AGAP6: variants seen among roughly 807,000 people sequenced by gnomAD.
AGAP6 encodes ArfGAP with GTPase domain, ankyrin repeat and PH domain 6.
Under a neutral mutation model 63.9 loss-of-function variants are expected in AGAP6, and 29 were observed. The observed-to-expected ratio is 0.45, with a 90% CI of 0.34 to 0.62. The LOEUF is 0.62. Ranked by LOEUF, AGAP6 falls within the 20% of genes least tolerant of loss-of-function variation. The probability of loss-of-function intolerance (pLI) is 0.01; values close to 1 mark genes in which losing one functional copy is unlikely to be tolerated. For synonymous variants in AGAP6, 199 were observed against 332.9 expected, an observed-to-expected ratio of 0.60 and a Z score of 4.38; for missense variants, 493 against 884.9, an observed-to-expected ratio of 0.56 and a Z score of 5.62.
Position 49,997,415 on chromosome 10 carries a change from T to C in AGAP6, c.396+2986T>C, listed in dbSNP as rs61848268. Reference sequence around the variant, plus strand: ...TCAGGAGGCTGAGGCAGAGGATCACTTGAGCTCAGGAGTTTGAGGCTGCAG... The same window carrying C: ...TCAGGAGGCTGAGGCAGAGGATCACCTGAGCTCAGGAGTTTGAGGCTGCAG... On this transcript the variant is annotated intron_variant, in intron 4 of 7. Coordinates refer to ENST00000412531, the MANE Select transcript of AGAP6 (RefSeq NM_001077665.3). 5.9e-4 allele frequency among the ~76,000 whole-genome samples: 89 copies of C among 151,700 alleles called. No homozygotes were observed. The East Asian group carries it at 6.0e-3, about 10-fold the overall frequency.
chr10:49,989,507 C>T lies in AGAP6; in HGVS notation c.292+131C>T, dbSNP rs554430631. On this transcript the variant is annotated intron_variant, in intron 2 of 7. Transcript: ENST00000412531. Reference sequence around the variant, plus strand: ...CTTTTCAGTACCCATCTTATTTTTTCTTTGTACCTATCCAGATGGTACCTA... The same window carrying T: ...CTTTTCAGTACCCATCTTATTTTTTTTTTGTACCTATCCAGATGGTACCTA... 961 of 1,445,826 alleles carry T rather than the reference C, an allele frequency of 6.6e-4. 9 individuals carry two copies. The highest frequency in any genetic ancestry group is 3.8e-3 in the South Asian group (294 of 76,930). The allele number at this position is 1,445,826 out of a possible 1,614,324, so 89.6% of individuals were successfully genotyped here. A position where few individuals can be genotyped will look rare whatever the true frequency, so the allele number is the denominator to read the frequency against.
At position 49,998,012 on chromosome 10, in the gene AGAP6, A is replaced by ATATATG. The variant is rs1369835714; in HGVS notation, c.396+3586_396+3587insATGTAT. Among the ~76,000 whole-genome samples, 32 of 136,404 alleles carry ATATATG rather than the reference A, an allele frequency of 2.3e-4. 4 individuals carry two copies. The highest frequency in any genetic ancestry group is 2.3e-3 in the South Asian group (9 of 3,960). The allele number at this position is 136,404 out of a possible 152,430, so 89.5% of individuals were successfully genotyped here. A position where few individuals can be genotyped will look rare whatever the true frequency, so the allele number is the denominator to read the frequency against. ...TCCTCATATATATATATATATATAT[A>ATATATG]TATGTATGTATATCACGGTTTCTTT... On this transcript the variant is annotated intron_variant, in intron 4 of 7. Coordinates refer to ENST00000412531, the MANE Select transcript of AGAP6 (RefSeq NM_001077665.3).
At chr10:49,993,481 C>T (rs1841363212) in intron 3 of AGAP6, among the ~76,000 whole-genome samples, 1 of 151,996 alleles carries the variant, frequency 6.6e-6, no homozygotes, top group Non-Finnish European at 1.5e-5. Context: ...ATTTTTTGTG[C>T]TGCAGACACC....
At chr10:49,992,678 T>C (rs1299925296) in intron 3 of AGAP6, among the ~76,000 whole-genome samples, 6 of 151,934 alleles carry the variant, frequency 3.9e-5, no homozygotes, top group East Asian at 3.9e-4. Flanking sequence ...AGCAAACTTA[T>C]AATCATGATA....
At position 50,001,994 on chromosome 10, in the gene AGAP6, A is replaced by G; in HGVS notation, c.397-2A>G. 2 of 1,612,794 alleles carry G rather than the reference A, an allele frequency of 1.2e-6. No individual in the cohort carries two copies. The highest frequency in any genetic ancestry group is 1.7e-6 in the Non-Finnish European group (2 of 1,179,992). ...TTGACTTACAGTTCCCTTCCCCTTC[A>G]GGTATCTGCTGTGCGTTTCAGTCAA... On this transcript the variant is annotated splice_acceptor_variant, in intron 4 of 7. Coordinates refer to ENST00000412531, the MANE Select transcript of AGAP6 (RefSeq NM_001077665.3). LOFTEE classifies it high-confidence loss of function.
chr10:49,996,743 T>C (rs1235855922), intron 4 of AGAP6, among the ~76,000 whole-genome samples: 2 of 151,136 alleles, frequency 1.3e-5, no homozygotes, highest in Admixed American at 6.6e-5. Flanking sequence ...TTGCTGGCTT[T>C]TTTTTTTTTT....
In AGAP6 at chr10:49,991,681, G is replaced by T. The variant is rs1841286454; in HGVS notation, c.298G>T (p.Glu100Ter). The part of the protein sequence containing the change: ...FQRNSQTEAL[E>*]FNPSANPEAS... ...TTCTTCCTCTGTGCATATAGCTTTG[G>T]AGTTTAACCCTTCTGCCAATCCAGA... Residue 100 changes from glutamate to a stop codon, truncating the protein, a stop_gained, in exon 3 of 8, where the codon GAG becomes TAG. Coordinates refer to ENST00000412531, the MANE Select transcript of AGAP6 (RefSeq NM_001077665.3). LOFTEE classifies it high-confidence loss of function. 14 of 1,597,748 alleles carry T rather than the reference G, an allele frequency of 8.8e-6. No individual in the cohort carries two copies. Among genetic ancestry groups the T allele is most frequent in the African/African-American group, 4.0e-5 (3 of 74,670 alleles).
intron 3 of AGAP6, 129 bp downstream of exon 3, chr10:49,991,873 T>C (rs1469924853): frequency 7.1e-6 from 10 of 1,408,250 alleles, no homozygotes; most frequent in Admixed American, 4.4e-5. Context: ...ACTTGTCTTA[T>C]TTTAATATGT....
chr10:49,997,307 A>G (rs1395408866), intron 4 of AGAP6, among the ~76,000 whole-genome samples: 3 of 152,188 alleles, frequency 2.0e-5, no homozygotes, highest in African/African-American at 7.2e-5. Flanking sequence ...TAGCCTGGTC[A>G]ACATAGCAAG....
At chr10:50,008,625 T>G (rs1842001243) in intron 7 of AGAP6, 86 bp from the exon 8 acceptor site, 1 of 1,529,122 alleles carries the variant, frequency 6.5e-7, no homozygotes, top group Admixed American at 2.2e-5. Flanking sequence ...AAATGTATCT[T>G]TTTAAAAGGT....
intron 4 of AGAP6, among the ~76,000 whole-genome samples, chr10:49,995,205 C>T (rs1841440031): frequency 6.6e-6 from 1 of 152,120 alleles, no homozygotes; most frequent in African/African-American, 2.4e-5. Context: ...ATATTATTCA[C>T]TGCTAAGTCA....
chr10:49,995,032 TAGTTA>T (rs1465808357), intron 4 of AGAP6, among the ~76,000 whole-genome samples: 2 of 149,160 alleles, frequency 1.3e-5, no homozygotes, highest in Admixed American at 1.3e-4. Context: ...AAAAATAGAA[TAGTTA>T]AGTTAATTGC....
At chr10:49,991,384 GTTT>G (rs781847792) in intron 2 of AGAP6, among the ~76,000 whole-genome samples, 2 of 114,064 alleles carry the variant, frequency 1.8e-5, no homozygotes, top group Non-Finnish European at 1.7e-5. Flanking sequence ...TACCTCTTCT[GTTT>G]TTTTTTTTTT....
At chr10:49,996,755 TTC>T (rs1491238242) in intron 4 of AGAP6, among the ~76,000 whole-genome samples, 1 of 151,510 alleles carries the variant, frequency 6.6e-6, no homozygotes, top group African/African-American at 2.4e-5. Flanking sequence ...TTTTTTTTTT[TTC>T]ACATTTTACC....
intron 7 of AGAP6, among the ~76,000 whole-genome samples, chr10:50,008,319 T>TTA (rs1355856180): frequency 2.9e-4 from 41 of 140,846 alleles, no homozygotes; most frequent in Admixed American, 1.1e-3. Context: ...TTTTTTTTTT[T>TTA]ATGGACTCTC....
chr10:50,005,491 G>A (rs1408937238), intron 6 of AGAP6, among the ~76,000 whole-genome samples: 1 of 152,130 alleles, frequency 6.6e-6, no homozygotes, highest in African/African-American at 2.4e-5. Flanking sequence ...CGCACCTGTA[G>A]TCCCACCTAT....
In AGAP6 at chr10:49,998,985, A is replaced by G. The variant is rs569971891; in HGVS notation, c.397-3011A>G. On this transcript the variant is annotated intron_variant, in intron 4 of 7. Coordinates refer to ENST00000412531, the MANE Select transcript of AGAP6 (RefSeq NM_001077665.3). ...TCCCAGCACTTTGGGAGGCTGAGGG[A>G]GACGGATCATGAGGTCAGGAGCGGG... is the stretch of plus-strand genomic sequence containing the variant. Among the ~76,000 whole-genome samples the G allele has an allele frequency of 6.4e-5, 9 of 141,334 alleles. 1 individual carries two copies. The South Asian group carries it at 1.4e-3, about 23-fold the overall frequency. The allele number at this position is 141,334 out of a possible 152,430, so 92.7% of individuals were successfully genotyped here.
At chr10:49,995,592 G>C (rs1225454085) in intron 4 of AGAP6, among the ~76,000 whole-genome samples, 1 of 152,110 alleles carries the variant, frequency 6.6e-6, no homozygotes, top group Non-Finnish European at 1.5e-5. Flanking sequence ...AATATAGCGT[G>C]GGTTTCCCTA....
At chr10:49,989,458 T>C in intron 2 of AGAP6, 82 bp downstream of exon 2, 1 of 1,584,498 alleles carries the variant, frequency 6.3e-7, no homozygotes, top group Non-Finnish European at 8.5e-7. Context: ...CTTCCTTTTC[T>C]CAGTAAAAAC....
Sources: gnomAD v4.1 joint callset for allele counts (sites outside exome capture counted in the v4.1 genomes callset) on GRCh38, gnomAD v4.1.1 for gene constraint, MANE v1.5 for transcripts, NCBI Gene and HGNC (gene_info 2026-07-23, HGNC 2026-07-21) for gene names.